The following TCF25 variants were observed in gnomAD, a reference collection of about 807,000 sequenced individuals.
TCF25 encodes ribosome quality control complex subunit TCF25.
In TCF25, 41 loss-of-function variants were observed where a neutral mutation model predicts 83.1. The observed-to-expected ratio is 0.49, with a 90% CI of 0.38 to 0.64. The LOEUF (loss-of-function observed/expected upper bound fraction) is 0.64. Among genes scored for constraint, TCF25 ranks in the 30% least tolerant of loss-of-function variants. TCF25 has a pLI of 0.00. For missense variants in TCF25, 979 were observed against 914.5 expected (o/e 1.07, Z -0.91); for synonymous variants, 458 against 365.0 (o/e 1.25, Z -2.90).
chr16:89,874,669 G>A (rs2143869762), intron 1 of TCF25: 1 of 152,432 alleles, frequency 6.6e-6, no homozygotes, highest in East Asian at 1.9e-4. Context: ...TTTCTCCTAA[G>A]CCCTGGCCTC....
intron 16 of TCF25, 47 bp downstream of exon 16, chr16:89,907,369 CTCCCA>C: frequency 3.9e-6 from 3 of 768,332 alleles, no homozygotes; most frequent in South Asian, 2.2e-5. Flanking sequence ...CACCTCCCTC[CTCCCA>C]GTTCCCAGCT....
chr16:89,894,189 C>T lies in TCF25; in HGVS notation c.828+331C>T, dbSNP rs987619451. On this transcript the variant is annotated intron_variant, in intron 7 of 17. Coordinates refer to ENST00000263346, the MANE Select transcript of TCF25 (RefSeq NM_014972.3). ...TGCCCTTGCCTCCTGCGGCTCAGTGCAGGCGAGCAGCTCAGATTCCCGGCC... is the reference window on the plus strand; with the variant it reads ...TGCCCTTGCCTCCTGCGGCTCAGTGTAGGCGAGCAGCTCAGATTCCCGGCC... Among the ~76,000 whole-genome samples the T allele has an allele frequency of 5.6e-4, 85 of 152,194 alleles. 1 individual carries two copies. The highest frequency in any genetic ancestry group is 1.2e-4 in the Non-Finnish European group (8 of 68,012).
chr16:89,886,021 C>T (rs766418459), intron 4 of TCF25, 55 bp downstream of exon 4: 34 of 1,459,100 alleles, frequency 2.3e-5, no homozygotes, highest in Middle Eastern at 1.7e-4. Context: ...CCCTTCTCTG[C>T]GGCTGCCCTT....
At chr16:89,900,900 T>C (rs10153210) in intron 12 of TCF25, 106 bp downstream of exon 12, 41,213 of 1,265,780 alleles carry the variant, frequency 0.033, 3,570 homozygotes, top group African/African-American at 0.3. Flanking sequence ...CCCACACTTG[T>C]AGAAACATGC....
At chr16:89,888,406 G>A (rs1157663999) in intron 5 of TCF25, among the ~76,000 whole-genome samples, 1 of 151,450 alleles carries the variant, frequency 6.6e-6, no homozygotes, top group Non-Finnish European at 1.5e-5. Context: ...TGACCAACAT[G>A]GAGAAACCCC....
At chr16:89,908,675 C>T (rs796272426) in intron 16 of TCF25, among the ~76,000 whole-genome samples, 1 of 4,000 alleles carries the variant, frequency 2.5e-4, no homozygotes, top group Non-Finnish European at 9.9e-4. Context: ...CCACCTCCCT[C>T]CTCCCAGCTC....
chr16:89,882,910 G>A (rs2042717609), intron 1 of TCF25, among the ~76,000 whole-genome samples: 1 of 152,244 alleles, frequency 6.6e-6, no homozygotes, highest in African/African-American at 2.4e-5. Context: ...GGAAAAGTTT[G>A]TAGGTTGATG....
intron 3 of TCF25, 89 bp from the exon 4 acceptor site, chr16:89,885,759 G>A (rs944041898): frequency 3.7e-6 from 4 of 1,070,372 alleles, no homozygotes; most frequent in Non-Finnish European, 5.7e-6. Flanking sequence ...AGTGTAATAG[G>A]TCTCTTTTAA....
At chr16:89,881,102 G>A (rs989388477) in intron 1 of TCF25, among the ~76,000 whole-genome samples, 2 of 152,190 alleles carry the variant, frequency 1.3e-5, no homozygotes, top group Non-Finnish European at 1.5e-5. Flanking sequence ...TTGTCTCAGC[G>A]GGCGTTTAAG....
At chr16:89,880,165 C>A (rs1056010018) in intron 1 of TCF25, among the ~76,000 whole-genome samples, 1 of 130,614 alleles carries the variant, frequency 7.7e-6, no homozygotes. Context: ...CGCGTGCTGT[C>A]CGTGTACACA....
chr16:89,878,628 G>A (rs2042370861), intron 1 of TCF25: 2 of 1,136,606 alleles, frequency 1.8e-6, no homozygotes, highest in Non-Finnish European at 2.2e-6. Flanking sequence ...CAGCTTTTGG[G>A]TAGGTAATAA....
Position 89,896,089 on chromosome 16 carries a change from T to TGCAGCTGCCCTGGAGGTGAC in TCF25, c.1022+13_1022+32dup. ...TACCGCAGACCCGAGAACAGGTGAGTGCAGCTGCCCTGGAGGTGACGCAGC... is the reference window on the plus strand; with the variant it reads ...TACCGCAGACCCGAGAACAGGTGAGTGCAGCTGCCCTGGAGGTGACGCAGCTGCCCTGGAGGTGACGCAGC... On this transcript the variant is annotated splice_region_variant and intron_variant, in intron 9 of 17. Coordinates refer to ENST00000263346, the MANE Select transcript of TCF25 (RefSeq NM_014972.3). 3 of 1,612,874 alleles carry TGCAGCTGCCCTGGAGGTGAC rather than the reference T, an allele frequency of 1.9e-6. No individual in the cohort carries two copies. Among genetic ancestry groups the TGCAGCTGCCCTGGAGGTGAC allele is most frequent in the Non-Finnish European group, 2.5e-6 (3 of 1,179,702 alleles).
Position 89,911,310 on chromosome 16 carries a change from T to C in TCF25, c.*72T>C. On this transcript the variant is annotated 3_prime_UTR_variant, in exon 18 of 18. Coordinates refer to ENST00000263346, the MANE Select transcript of TCF25 (RefSeq NM_014972.3). ...TCTCTGTTGGTCGGAGTCGGCCAGTTGCCTGAAGTAGGGAAGCTGAGTGTG... is the reference window on the plus strand; with the variant it reads ...TCTCTGTTGGTCGGAGTCGGCCAGTCGCCTGAAGTAGGGAAGCTGAGTGTG... The C allele has an allele frequency of 6.3e-7, 1 of 1,584,696 alleles. No homozygotes were observed. The highest frequency in any genetic ancestry group is 1.1e-5 in the South Asian group (1 of 89,206).
intron 2 of TCF25, chr16:89,884,003 C>G (rs1251792645): frequency 6.0e-6 from 1 of 166,078 alleles, no homozygotes; most frequent in Admixed American, 5.7e-5. Flanking sequence ...GAAGAGGGGC[C>G]CTAAAAGGAG....
intron 1 of TCF25, among the ~76,000 whole-genome samples, chr16:89,875,589 C>T (rs530280106): frequency 7.9e-6 from 1 of 126,100 alleles, no homozygotes; most frequent in East Asian, 2.6e-4. Context: ...GTGGCATGAT[C>T]TCGGCTCACT....
At chr16:89,883,755 C>T (rs145324627) in intron 2 of TCF25, 35 of 476,018 alleles carry the variant, frequency 7.4e-5, no homozygotes, top group Non-Finnish European at 9.2e-5. Context: ...TGTATGTAAC[C>T]GCACACGTGT....
intron 5 of TCF25, among the ~76,000 whole-genome samples, chr16:89,890,860 GTTTA>G (rs902644655): frequency 8.6e-5 from 13 of 151,804 alleles, no homozygotes; most frequent in African/African-American, 2.4e-4. Flanking sequence ...AAACTTTTTT[GTTTA>G]TTTATTTCTT....
At chr16:89,909,075 C>G in intron 16 of TCF25, 1 of 1,289,504 alleles carries the variant, frequency 7.8e-7, no homozygotes. Flanking sequence ...GTGTCGGCCT[C>G]TGTGGCAGGT....
chr16:89,897,706 A>T (rs1208839467), intron 9 of TCF25, among the ~76,000 whole-genome samples: 1 of 152,242 alleles, frequency 6.6e-6, no homozygotes, highest in East Asian at 1.9e-4. Flanking sequence ...GGCTCCATGT[A>T]TCCAGCCTGA....
Sources: allele counts gnomAD v4.1 joint callset (sites outside exome capture counted in the v4.1 genomes callset), GRCh38; gene constraint gnomAD v4.1.1; transcripts MANE v1.5; gene names NCBI Gene and HGNC (gene_info 2026-07-23, HGNC 2026-07-21).